Variants in ALS2 observed in about 807,000 individuals in gnomAD.
ALS2 encodes alsin Rho guanine nucleotide exchange factor ALS2, also known as alsin.
Under a neutral mutation model 203.4 loss-of-function variants are expected in ALS2, and 117 were observed. The observed-to-expected ratio is 0.58, with a 90% CI of 0.50 to 0.67. The LOEUF is 0.67. Among genes scored for constraint, ALS2 ranks in the 30% least tolerant of loss-of-function variants. The pLI, the probability that ALS2 is intolerant of heterozygous loss-of-function variation, is 0.00. For synonymous variants in ALS2, 718 were observed against 725.9 expected, an observed-to-expected ratio of 0.99 and a Z score of 0.17; for missense variants, 1,715 against 1,989.4, an observed-to-expected ratio of 0.86 and a Z score of 2.62.
At chr2:201,769,814 T>C (rs1694290696) in intron 1 of ALS2, among the ~76,000 whole-genome samples, 1 of 152,174 alleles carries the variant, frequency 6.6e-6, no homozygotes, top group South Asian at 2.1e-4. Flanking sequence ...CAAAAGGATA[T>C]GGAATGGTCA....
rs930928657 is a variant in ALS2 at position 201,739,509 on chromosome 2, G to A, written c.2352-774C>T. Among the ~76,000 whole-genome samples the A allele has an allele frequency of 4.6e-5, 7 of 151,890 alleles. 1 individual carries two copies. The highest frequency in any genetic ancestry group is 7.4e-5 in the Non-Finnish European group (5 of 67,958). On this transcript the variant is annotated intron_variant, in intron 11 of 33. Coordinates refer to ENST00000264276, the MANE Select transcript of ALS2 (RefSeq NM_020919.4). ...TGTAATCTCAGCACTTTGGGAGGCTGAGGCAAGTGAATCACCTGAGGTCAG... is the reference window on the plus strand; with the variant it reads ...TGTAATCTCAGCACTTTGGGAGGCTAAGGCAAGTGAATCACCTGAGGTCAG...
chr2:201,738,539 G>A (rs1692030038), intron 12 of ALS2, 131 bp downstream of exon 12: 2 of 868,366 alleles, frequency 2.3e-6, no homozygotes, highest in Non-Finnish European at 3.8e-6. Flanking sequence ...AAGACTTACT[G>A]AAAGTTTATA....
In ALS2 at chr2:201,744,153, G is replaced by C. The variant is rs1218457558; in HGVS notation, c.2170+105C>G. On this transcript the variant is annotated intron_variant, in intron 10 of 33. Coordinates refer to ENST00000264276, the MANE Select transcript of ALS2 (RefSeq NM_020919.4). ...TACACACACACAAAGACAGTGCATA[G>C]CAAGAAGTAAACCATAAACTAACAG... 83 of 1,285,290 alleles carry C rather than the reference G, an allele frequency of 6.5e-5. No homozygotes were observed. The South Asian group carries it at 9.6e-4, about 15-fold the overall frequency. The allele number at this position is 1,285,290 out of a possible 1,614,324, so 79.6% of individuals were successfully genotyped here.
Position 201,718,345 on chromosome 2 carries a change from C to T in ALS2, c.3703-135G>A, listed in dbSNP as rs13427256. On this transcript the variant is annotated intron_variant, in intron 23 of 33. Transcript: ENST00000264276. ...TGCGATCTTGGCTCACTGCAACCTC[C>T]GCTTCCTGGGTTAAAGTGATCCTCC... 1,086 of 965,478 alleles carry T rather than the reference C, an allele frequency of 1.1e-3. 8 individuals are homozygous for T. The African/African-American group carries it at 0.013, about 12-fold the overall frequency. The allele number at this position is 965,478 out of a possible 1,614,324, so 59.8% of individuals were successfully genotyped here. A position where few individuals can be genotyped will look rare whatever the true frequency, so the allele number is the denominator to read the frequency against.
At chr2:201,719,387 G>A (rs1170425317) in intron 23 of ALS2, among the ~76,000 whole-genome samples, 3 of 152,226 alleles carry the variant, frequency 2.0e-5, no homozygotes, top group African/African-American at 4.8e-5. Flanking sequence ...TCAGGAGTTC[G>A]AGACCAGCCT....
chr2:201,737,909 G>A (rs572641857), intron 12 of ALS2, among the ~76,000 whole-genome samples: 4 of 151,380 alleles, frequency 2.6e-5, no homozygotes, highest in South Asian at 2.1e-4. Context: ...ATGACAGAGC[G>A]AGACCCCGTC....
chr2:201,723,528 A>T, intron 21 of ALS2, 87 bp from the exon 22 acceptor site: 1 of 1,160,554 alleles, frequency 8.6e-7, no homozygotes, highest in Non-Finnish European at 1.3e-6. Context: ...GATCCCAGGC[A>T]TCAACCCTAG....
intron 1 of ALS2, among the ~76,000 whole-genome samples, chr2:201,780,416 T>G (rs1345241726): frequency 1.3e-5 from 2 of 152,180 alleles, no homozygotes; most frequent in Admixed American, 6.5e-5. Context: ...TCAACGCGAT[T>G]TGCACCCTGT....
chr2:201,753,156 G>C lies in ALS2; in HGVS notation c.1727C>G (p.Ala576Gly). The change falls in exon 7 of 34, where the codon GCG becomes GGG. Residue 576 changes from alanine (A) to glycine (G), a missense_variant. Transcript: ENST00000264276. ...AGGYHSLALTAKSQVYSWGSN... is the reference protein window; with the variant it reads ...AGGYHSLALTGKSQVYSWGSN... The stretch of plus-strand genomic sequence containing the variant: ...TAGTTTGCCTCCTACCTGGGATTTC[G>C]CAGTAAGTGCAAGAGAATGGTAACC... 1 of 1,613,820 alleles carries C rather than the reference G, an allele frequency of 6.2e-7. No individual in the cohort carries two copies. Among genetic ancestry groups the C allele is most frequent in the Non-Finnish European group, 8.5e-7 (1 of 1,179,768 alleles).
chr2:201,775,939 G>A (rs1694638455), intron 1 of ALS2, among the ~76,000 whole-genome samples: 1 of 152,134 alleles, frequency 6.6e-6, no homozygotes, highest in Non-Finnish European at 1.5e-5. Flanking sequence ...GTATACTCTT[G>A]TACCCATAAT....
At position 201,747,127 on chromosome 2, in the gene ALS2, C is replaced by T. The variant is rs545748329; in HGVS notation, c.1816-379G>A. On this transcript the variant is annotated intron_variant, in intron 8 of 33. Coordinates refer to ENST00000264276, the MANE Select transcript of ALS2 (RefSeq NM_020919.4). ...ATTAGGACATACCTCTGTCCTTCCACATTTGGCTGTGTGCACAAAAATCGA... is the reference window on the plus strand; with the variant it reads ...ATTAGGACATACCTCTGTCCTTCCATATTTGGCTGTGTGCACAAAAATCGA... Among the ~76,000 whole-genome samples, 114 of 152,318 alleles carry T rather than the reference C, an allele frequency of 7.5e-4. 1 individual carries two copies. The highest frequency in any genetic ancestry group is 2.7e-3 in the African/African-American group (114 of 41,562).
intron 1 of ALS2, among the ~76,000 whole-genome samples, chr2:201,780,338 T>G (rs942103715): frequency 6.6e-6 from 1 of 152,246 alleles, no homozygotes; most frequent in Non-Finnish European, 1.5e-5. Context: ...CCTAAACTAC[T>G]AATTCTTATT....
chr2:201,703,572 T>C (rs1689512265), intron 33 of ALS2, among the ~76,000 whole-genome samples: 1 of 152,220 alleles, frequency 6.6e-6, no homozygotes, highest in African/African-American at 2.4e-5. Flanking sequence ...TATCTGCTGT[T>C]TTTTCAATAA....
Position 201,715,711 on chromosome 2 carries a change from G to GC in ALS2, c.3964dup (p.Ala1322GlyfsTer45). ...GCGCCGACTGGTGGTCAAGGCCACA[G>GC]CAATATTGTCCCATGCTTTCCAAAC... On this transcript the variant is annotated frameshift_variant, in exon 25 of 34. Transcript: ENST00000264276. LOFTEE classifies it high-confidence loss of function. 1 of 1,614,202 alleles carries GC rather than the reference G, an allele frequency of 6.2e-7. No individual in the cohort carries two copies. The highest frequency in any genetic ancestry group is 1.1e-5 in the South Asian group (1 of 91,082).
At position 201,725,112 on chromosome 2, in the gene ALS2, C is replaced by CAA. The variant is rs200113676; in HGVS notation, c.3347+242_3347+243dup. Among the ~76,000 whole-genome samples, 182 of 90,898 alleles carry CAA rather than the reference C, an allele frequency of 2.0e-3. 1 individual carries two copies. The highest frequency in any genetic ancestry group is 6.1e-3 in the African/African-American group (144 of 23,512). 59.6% of individuals were successfully genotyped at this position (90,898 alleles called of 152,430 possible). A position where few individuals can be genotyped will look rare whatever the true frequency, so the allele number is the denominator to read the frequency against. ...TGGGTGACAGAGCGAGACTTCATCT[C>CAA]AAAAAAAAAAAAAAAAATTTAGATA... is the stretch of plus-strand genomic sequence containing the variant. On this transcript the variant is annotated intron_variant, in intron 20 of 33. Coordinates refer to ENST00000264276, the MANE Select transcript of ALS2 (RefSeq NM_020919.4).
chr2:201,759,897 G>A, intron 4 of ALS2: 2 of 985,246 alleles, frequency 2.0e-6, no homozygotes, highest in Non-Finnish European at 2.4e-6. Flanking sequence ...GCCACACTAA[G>A]AGTAAAACAC....
intron 1 of ALS2, among the ~76,000 whole-genome samples, chr2:201,772,554 G>A (rs943509249): frequency 6.6e-6 from 1 of 152,076 alleles, no homozygotes; most frequent in African/African-American, 2.4e-5. Flanking sequence ...GTATGAATAG[G>A]GCAGCACCAC....
chr2:201,764,947 C>G (rs1027437648), intron 3 of ALS2, among the ~76,000 whole-genome samples: 5 of 151,924 alleles, frequency 3.3e-5, no homozygotes, highest in Non-Finnish European at 5.9e-5. Flanking sequence ...CTTCAGTTGT[C>G]CTAGCCTTGA....
chr2:201,716,282 G>A (rs1254487392), intron 24 of ALS2, among the ~76,000 whole-genome samples: 1 of 151,966 alleles, frequency 6.6e-6, no homozygotes, highest in Admixed American at 6.6e-5. Context: ...GGTGGCTCAC[G>A]CCTGTAATCC....
Sources: gnomAD v4.1 joint callset for allele counts (sites outside exome capture counted in the v4.1 genomes callset) on GRCh38, gnomAD v4.1.1 for gene constraint, MANE v1.5 for transcripts, NCBI Gene and HGNC (gene_info 2026-07-23, HGNC 2026-07-21) for gene names.